Variants in SDHA observed in about 807,000 individuals in gnomAD.
The protein encoded by SDHA is succinate dehydrogenase [ubiquinone] flavoprotein subunit, mitochondrial.
SDHA carries 48 observed loss-of-function variants against 78.4 expected under a neutral mutation model. The observed-to-expected ratio is 0.61, with a 90% CI of 0.49 to 0.78. The LOEUF (loss-of-function observed/expected upper bound fraction) is 0.78, where lower values mean the gene tolerates loss of function less well. Among genes scored for constraint, SDHA ranks in the 30% least tolerant of loss-of-function variants. The pLI, the probability that SDHA is intolerant of heterozygous loss-of-function variation, is 0.00. For synonymous variants in SDHA, 326 were observed against 353.9 expected, an observed-to-expected ratio of 0.92 and a Z score of 0.88; for missense variants, 680 against 892.7, an observed-to-expected ratio of 0.76 and a Z score of 3.04.
rs113879980 is a variant in SDHA at position 252,584 on chromosome 5, C to T, written c.1794+1116C>T. Among the ~76,000 whole-genome samples, 180 of 115,292 alleles carry T rather than the reference C, an allele frequency of 1.6e-3. 2 individuals are homozygous for T. The highest frequency in any genetic ancestry group is 2.4e-3 in the Admixed American group (27 of 11,486). 75.6% of individuals were successfully genotyped at this position (115,292 alleles called of 152,430 possible). ...GCCAGTTTAGTAACGAGTAAGTCAC[C>T]GTTTTAAGCCTGTCCTGTGGAGGAA... On this transcript the variant is annotated intron_variant, in intron 13 of 14. Coordinates refer to ENST00000264932, the MANE Select transcript of SDHA (RefSeq NM_004168.4).
At position 239,236 on chromosome 5, in the gene SDHA, A is replaced by T. The variant is rs1181097039; in HGVS notation, c.1433-1122A>T. 4.3e-3 allele frequency among the ~76,000 whole-genome samples: 653 copies of T among 151,210 alleles called. 6 individuals carry two copies. The highest frequency in any genetic ancestry group is 0.012 in the African/African-American group (481 of 40,806). ...ATATATAACGTTATAAAAAAAACTT[A>T]AAAACTTTTTTCAAGACATCGTAGA... On this transcript the variant is annotated intron_variant, in intron 10 of 14. Transcript: ENST00000264932.
chr5:240,738 C>T (rs1411961631), intron 11 of SDHA, among the ~76,000 whole-genome samples: 1 of 152,066 alleles, frequency 6.6e-6, no homozygotes, highest in Non-Finnish European at 1.5e-5. Context: ...TCCATGTGTA[C>T]TCACCATTCA....
chr5:260,051 A>G (rs1482755023), downstream of SDHA, among the ~76,000 whole-genome samples: 22 of 46,194 alleles, frequency 4.8e-4, no homozygotes, highest in Non-Finnish European at 8.2e-4. Flanking sequence ...CTCCCGGCAG[A>G]GCATTACCGT....
At chr5:262,319 T>TGTGAGCTCCGCCTCCCGG in the SDHA span, among the ~76,000 whole-genome samples, 1 of 54,672 alleles carries the variant, frequency 1.8e-5, no homozygotes, top group African/African-American at 1.2e-4. Flanking sequence ...CCGCCTCCCG[T>TGTGAGCTCCGCCTCCCGG]CAGAGCATTA....
chr5:231,096 A>G (rs1432552943), intron 7 of SDHA, 96 bp downstream of exon 7: 2 of 1,441,508 alleles, frequency 1.4e-6, no homozygotes, highest in African/African-American at 1.4e-5. Context: ...TTTATGTAAT[A>G]ACATGGTTTT....
At chr5:262,296 T>C in the SDHA span, among the ~76,000 whole-genome samples, 3 of 105,802 alleles carry the variant, frequency 2.8e-5, no homozygotes, top group Non-Finnish European at 6.2e-5. Context: ...GACAGAGCAT[T>C]ACCGTGTGAG....
the SDHA span, among the ~76,000 whole-genome samples, chr5:264,655 C>A: frequency 6.6e-6 from 1 of 152,222 alleles, no homozygotes. Context: ...TAGGCAGCAT[C>A]ACAGGGTTCT....
At chr5:224,647 C>T in intron 3 of SDHA, 126 bp downstream of exon 3, 1 of 984,290 alleles carries the variant, frequency 1.0e-6, no homozygotes, top group East Asian at 2.4e-5. Context: ...CTGTGCCTTA[C>T]TCAGCTCACC....
chr5:252,446 A>C (rs1455846650), intron 13 of SDHA, among the ~76,000 whole-genome samples: 3 of 150,204 alleles, frequency 2.0e-5, no homozygotes, highest in Non-Finnish European at 4.4e-5. Context: ...CTGTGGAGGA[A>C]ATGCCAGTTT....
In SDHA at chr5:230,861, C is replaced by G; in HGVS notation, c.771-15C>G. On this transcript the variant is annotated splice_polypyrimidine_tract_variant and intron_variant, in intron 6 of 14. Coordinates refer to ENST00000264932, the MANE Select transcript of SDHA (RefSeq NM_004168.4). ...TGGGCCGCTGTGTGCAGTCACTGCT[C>G]TCTATTGTTTCCAGAGGCTACGGGC... The G allele has an allele frequency of 6.2e-7, 1 of 1,613,402 alleles. No homozygotes were observed. Among genetic ancestry groups the G allele is most frequent in the Non-Finnish European group, 8.5e-7 (1 of 1,179,444 alleles).
chr5:254,314 A>G (rs1183519433), intron 13 of SDHA, 79 bp from the exon 14 acceptor site: 1 of 1,308,552 alleles, frequency 7.6e-7, no homozygotes, highest in Non-Finnish European at 1.1e-6. Context: ...TGTCTCTTAG[A>G]TCATGTTAAT....
chr5:250,626 C>G lies in SDHA; in HGVS notation c.1552-366C>G, dbSNP rs181012853. ...TTGTGTCACGTTCACCACCAGACCCCGCGTCAGGAGTCCCGCCAGGGGTGT... is the reference window on the plus strand; with the variant it reads ...TTGTGTCACGTTCACCACCAGACCCGGCGTCAGGAGTCCCGCCAGGGGTGT... On this transcript the variant is annotated intron_variant, in intron 11 of 14. Transcript: ENST00000264932. 7.8e-3 allele frequency: 2,738 copies of G among 352,506 alleles called. 69 individuals carry two copies. The highest frequency in any genetic ancestry group is 0.054 in the African/African-American group (2,523 of 46,820). 21.8% of individuals were successfully genotyped at this position (352,506 alleles called of 1,614,324 possible).
At chr5:251,759 A>G in intron 13 of SDHA, 1 of 1,364,872 alleles carries the variant, frequency 7.3e-7, no homozygotes, top group Non-Finnish European at 9.6e-7. Flanking sequence ...GAGTGGCAAG[A>G]CCAGGAAATA....
At chr5:258,106 C>T (rs1310056837), downstream of SDHA, among the ~76,000 whole-genome samples, 3 of 51,090 alleles carry the variant, frequency 5.9e-5, no homozygotes, top group African/African-American at 1.6e-4. Flanking sequence ...CTGTGAGCTC[C>T]GCCTCCCGAC....
intron 6 of SDHA, among the ~76,000 whole-genome samples, chr5:230,419 G>A (rs1735323799): frequency 6.6e-6 from 1 of 152,146 alleles, no homozygotes. Flanking sequence ...TTGAGGTCAG[G>A]AGTTCGAGAC....
At chr5:224,696 C>T (rs1734910475) in intron 3 of SDHA, 175 bp downstream of exon 3, 3 of 662,920 alleles carry the variant, frequency 4.5e-6, no homozygotes, top group South Asian at 3.6e-5. Flanking sequence ...TCCCTGGGGA[C>T]TTTGAAGGGC....
chr5:222,359 T>TTC (rs1356596301), intron 1 of SDHA, among the ~76,000 whole-genome samples: 5 of 151,126 alleles, frequency 3.3e-5, no homozygotes, highest in Non-Finnish European at 7.4e-5. Flanking sequence ...TCTTTTTTTT[T>TTC]TTTTTGGAGA....
intron 1 of SDHA, among the ~76,000 whole-genome samples, chr5:219,573 G>A (rs1180988993): frequency 1.3e-5 from 2 of 152,136 alleles, no homozygotes; most frequent in Non-Finnish European, 2.9e-5. Context: ...CAGCCATCCT[G>A]CCAACATCAG....
chr5:236,028 T>C, intron 9 of SDHA: 2 of 285,774 alleles, frequency 7.0e-6, no homozygotes, highest in Admixed American at 9.0e-5. Flanking sequence ...TACTTCCCTC[T>C]CTTTTTTTTT....
Sources: allele counts gnomAD v4.1 joint callset (sites outside exome capture counted in the v4.1 genomes callset), GRCh38; gene constraint gnomAD v4.1.1; transcripts MANE v1.5; gene names NCBI Gene and HGNC (gene_info 2026-07-23, HGNC 2026-07-21).